CSGALNACT1: variants seen among roughly 807,000 people sequenced by gnomAD.
CSGALNACT1 encodes the protein beta4GalNAcT-1.
In CSGALNACT1, 52 loss-of-function variants were observed where a neutral mutation model predicts 51.0. The ratio of observed to expected loss-of-function variants is 1.02; its 90% CI spans 0.82 to 1.29. The LOEUF (loss-of-function observed/expected upper bound fraction) is 1.29. CSGALNACT1 is among the 50% of genes most tolerant of loss of function. The pLI is 0.00. For synonymous variants in CSGALNACT1, 341 were observed against 254.4 expected (o/e 1.34, Z -3.24); for missense variants, 935 against 679.2 (o/e 1.38, Z -4.19).
intron 1 of CSGALNACT1, among the ~76,000 whole-genome samples, chr8:19,631,909 T>C (rs2055315629): frequency 6.6e-6 from 1 of 152,204 alleles, no homozygotes; most frequent in Non-Finnish European, 1.5e-5. Context: ...CCTTCTTCTA[T>C]AGCTTATCCA....
At chr8:19,509,586 C>A (rs1324750358) in intron 3 of CSGALNACT1, among the ~76,000 whole-genome samples, 1 of 135,216 alleles carries the variant, frequency 7.4e-6, no homozygotes, top group Non-Finnish European at 1.5e-5. Flanking sequence ...TGCACCACTG[C>A]ACTCCAGCCT....
At chr8:19,686,542 A>T (rs1427773598), upstream of CSGALNACT1, among the ~76,000 whole-genome samples, 1 of 151,758 alleles carries the variant, frequency 6.6e-6, no homozygotes, top group Non-Finnish European at 1.5e-5. Context: ...GGCAGAGCCA[A>T]TGCCTGCCTC....
intron 5 of CSGALNACT1, among the ~76,000 whole-genome samples, chr8:19,442,435 C>A (rs1330667629): frequency 6.6e-6 from 1 of 152,000 alleles, no homozygotes; most frequent in African/African-American, 2.4e-5. Context: ...ATGGATGAAA[C>A]TGGAAACCAT....
At chr8:19,667,025 AAG>A (rs2059395902) in intron 1 of CSGALNACT1, among the ~76,000 whole-genome samples, 2 of 41,672 alleles carry the variant, frequency 4.8e-5, no homozygotes, top group African/African-American at 2.6e-4. Flanking sequence ...GAAAGGAAGG[AAG>A]GAAGGAAGGA....
intron 5 of CSGALNACT1, among the ~76,000 whole-genome samples, chr8:19,440,942 C>A (rs1017551969): frequency 2.6e-4 from 39 of 152,062 alleles, no homozygotes; most frequent in East Asian, 2.5e-3. Context: ...ACAGAGAGCC[C>A]AATCATGAGT....
intron 3 of CSGALNACT1, among the ~76,000 whole-genome samples, chr8:19,555,856 G>A (rs1404049009): frequency 1.3e-5 from 2 of 152,098 alleles, no homozygotes; most frequent in Admixed American, 6.5e-5. Context: ...GCAACTCCGT[G>A]GAAACACCCC....
At chr8:19,743,330 GC>G (rs2064434382) in intron 1 of CSGALNACT1, among the ~76,000 whole-genome samples, 1 of 152,142 alleles carries the variant, frequency 6.6e-6, no homozygotes, top group Non-Finnish European at 1.5e-5. Context: ...ATGACAGTCA[GC>G]CCAGATTACA....
chr8:19,450,704 G>A (rs1014865911), intron 5 of CSGALNACT1, among the ~76,000 whole-genome samples: 1 of 152,088 alleles, frequency 6.6e-6, no homozygotes, highest in Non-Finnish European at 1.5e-5. Context: ...ATCACTTGAG[G>A]TCAGGAGTTT....
chr8:19,630,194 C>CTCTGTGTGTGTG (rs1431879737), intron 1 of CSGALNACT1, among the ~76,000 whole-genome samples: 1 of 137,784 alleles, frequency 7.3e-6, no homozygotes, highest in African/African-American at 2.7e-5. Context: ...TCCCACGTCT[C>CTCTGTGTGTGTG]TGTGTGTGTG....
chr8:19,550,468 G>A (rs769759164), intron 3 of CSGALNACT1, among the ~76,000 whole-genome samples: 1 of 152,054 alleles, frequency 6.6e-6, no homozygotes, highest in African/African-American at 2.4e-5. Context: ...CCTCTTTCAT[G>A]GATGCAATAT....
intron 3 of CSGALNACT1, among the ~76,000 whole-genome samples, chr8:19,557,854 T>C (rs187573107): frequency 6.6e-6 from 1 of 152,356 alleles, no homozygotes; most frequent in East Asian, 1.9e-4. Flanking sequence ...CACGCCATTC[T>C]TCTCAGTACA....
chr8:19,729,488 C>G (rs2063572543), intron 1 of CSGALNACT1, among the ~76,000 whole-genome samples: 1 of 152,062 alleles, frequency 6.6e-6, no homozygotes, highest in Admixed American at 6.5e-5. Flanking sequence ...AGTTTGCTGT[C>G]CCAGGAGTAT....
upstream of CSGALNACT1, among the ~76,000 whole-genome samples, chr8:19,603,379 T>C (rs116091657): frequency 0.014 from 2,157 of 152,318 alleles, 43 homozygotes; most frequent in African/African-American, 0.048. Flanking sequence ...GGTTTACTGT[T>C]GGAGAGGGTT....
At chr8:19,479,094 G>T (rs1270271843) in intron 4 of CSGALNACT1, among the ~76,000 whole-genome samples, 1 of 152,202 alleles carries the variant, frequency 6.6e-6, no homozygotes, top group South Asian at 2.1e-4. Context: ...TATGATACAT[G>T]CATTGTTATG....
intron 1 of CSGALNACT1, among the ~76,000 whole-genome samples, chr8:19,622,689 T>C (rs1281246373): frequency 6.6e-6 from 1 of 151,954 alleles, no homozygotes; most frequent in Non-Finnish European, 1.5e-5. Context: ...CAAAGATAAA[T>C]ACACACTCTC....
At chr8:19,673,913 A>C (rs1336185018) in intron 1 of CSGALNACT1, among the ~76,000 whole-genome samples, 1 of 152,246 alleles carries the variant, frequency 6.6e-6, no homozygotes, top group Non-Finnish European at 1.5e-5. Context: ...CTAGGCACCC[A>C]AAATATATTA....
At chr8:19,662,164 T>TCCCAGC (rs1445152629) in intron 1 of CSGALNACT1, among the ~76,000 whole-genome samples, 1 of 140,098 alleles carries the variant, frequency 7.1e-6, no homozygotes, top group Non-Finnish European at 1.5e-5. Flanking sequence ...ACACTGGTAA[T>TCCCAGC]CCCAGCACCT....
intron 3 of CSGALNACT1, among the ~76,000 whole-genome samples, chr8:19,572,700 A>G (rs1157415955): frequency 6.6e-6 from 1 of 152,238 alleles, no homozygotes; most frequent in Non-Finnish European, 1.5e-5. Flanking sequence ...TTCCCATGCT[A>G]AAGGTGGAAA....
chr8:19,584,536 G>C (rs2046235854), intron 3 of CSGALNACT1, among the ~76,000 whole-genome samples: 1 of 152,164 alleles, frequency 6.6e-6, no homozygotes, highest in Non-Finnish European at 1.5e-5. Context: ...CCAGGATACT[G>C]TTTATGCCAT....
Sources: allele counts gnomAD v4.1 joint callset (sites outside exome capture counted in the v4.1 genomes callset), GRCh38; gene constraint gnomAD v4.1.1; transcripts MANE v1.5; gene names NCBI Gene and HGNC (gene_info 2026-07-23, HGNC 2026-07-21).